Variants in NRG1 observed in about 807,000 individuals in gnomAD.
NRG1 encodes the protein pro-neuregulin-1, membrane-bound isoform.
A neutral mutation model predicts 63.8 loss-of-function variants in NRG1; 18 were observed. The ratio of observed to expected loss-of-function variants is 0.28; its 90% CI spans 0.19 to 0.42. NRG1 has a LOEUF of 0.42. Ranked by LOEUF, NRG1 falls within the 10% of genes least tolerant of loss-of-function variation. The pLI is 1.00. For missense variants in NRG1, 762 were observed against 814.7 expected, an observed-to-expected ratio of 0.94 and a Z score of 0.79; for synonymous variants, 302 against 301.3, an observed-to-expected ratio of 1.00 and a Z score of -0.02.
intron 1 of NRG1, among the ~76,000 whole-genome samples, chr8:32,311,272 T>C (rs555544487): frequency 2.6e-5 from 4 of 152,282 alleles, no homozygotes; most frequent in African/African-American, 9.6e-5. Flanking sequence ...GGCAGGGGGA[T>C]AGATTAAAAG....
intron 1 of NRG1, among the ~76,000 whole-genome samples, chr8:32,434,986 C>T (rs1426505874): frequency 1.3e-5 from 2 of 152,184 alleles, no homozygotes; most frequent in Non-Finnish European, 1.5e-5. Flanking sequence ...GGCAGGGGTC[C>T]TGGAACCAAC....
At chr8:32,105,073 A>G (rs978351760) in intron 1 of NRG1, among the ~76,000 whole-genome samples, 1 of 152,174 alleles carries the variant, frequency 6.6e-6, no homozygotes, top group African/African-American at 2.4e-5. Flanking sequence ...GTGGTAGTGC[A>G]GTAGGTATGT....
chr8:32,410,220 A>C, intron 1 of NRG1, among the ~76,000 whole-genome samples: 1 of 117,564 alleles, frequency 8.5e-6, no homozygotes, highest in Non-Finnish European at 1.6e-5. Flanking sequence ...TCCTTCTGTC[A>C]CCTAGACTGG....
intron 1 of NRG1, among the ~76,000 whole-genome samples, chr8:31,911,165 T>C (rs1334596114): frequency 9.9e-6 from 1 of 101,010 alleles, no homozygotes; most frequent in Non-Finnish European, 1.9e-5. Context: ...AAGAAACTTG[T>C]TGTGTGGGAG....
chr8:32,772,945 C>A (rs1382235635), downstream of NRG1, among the ~76,000 whole-genome samples: 1 of 152,126 alleles, frequency 6.6e-6, no homozygotes, highest in Non-Finnish European at 1.5e-5. Context: ...TTCCATTCTC[C>A]CTTTACTTTT....
chr8:31,941,406 T>TA (rs1386671808), intron 1 of NRG1, among the ~76,000 whole-genome samples: 1 of 152,028 alleles, frequency 6.6e-6, no homozygotes, highest in Admixed American at 6.6e-5. Context: ...CTTAAGGTAA[T>TA]AAAAACCATC....
At chr8:32,379,727 G>C (rs1810102618) in intron 1 of NRG1, among the ~76,000 whole-genome samples, 1 of 152,194 alleles carries the variant, frequency 6.6e-6, no homozygotes, top group Non-Finnish European at 1.5e-5. Context: ...CAGGTTATGA[G>C]AGGTAAAGTG....
rs939130149 is a variant in NRG1, at chr8:32,690,959, G to GTGTGTGTT, written c.503-36983_503-36982insTTGTGTGT. Among the ~76,000 whole-genome samples, 43 of 151,548 alleles carry GTGTGTGTT rather than the reference G, an allele frequency of 2.8e-4. No homozygotes were observed. In the South Asian group the frequency reaches 7.8e-3, roughly 27 times the overall value. ...TCTCAGTGTGTGTGTGTGTGTGTGT[G>GTGTGTGTT]TGTGTGTGTGTGTGTGTGTGTTAGC... is the stretch of plus-strand genomic sequence containing the variant. On this transcript the variant is annotated intron_variant, in intron 5 of 11. Transcript: ENST00000356819.
chr8:32,478,265 G>GA (rs1197800827), intron 1 of NRG1, among the ~76,000 whole-genome samples: 1 of 22,110 alleles, frequency 4.5e-5, no homozygotes, highest in African/African-American at 1.8e-4. Flanking sequence ...TCTTCCATGT[G>GA]GGGGGGCCTT....
intron 5 of NRG1, among the ~76,000 whole-genome samples, chr8:32,635,059 C>T (rs1481504687): frequency 6.6e-6 from 1 of 152,168 alleles, no homozygotes; most frequent in East Asian, 1.9e-4. Context: ...CTGTTTTTCA[C>T]AGTCAGGCTT....
intron 1 of NRG1, among the ~76,000 whole-genome samples, chr8:31,839,355 G>A (rs768129816): frequency 6.6e-6 from 1 of 152,008 alleles, no homozygotes; most frequent in Non-Finnish European, 1.5e-5. Context: ...AATGATAGCT[G>A]GAAATTGAGC....
chr8:31,743,186 T>G (rs1815476574), intron 1 of NRG1, among the ~76,000 whole-genome samples: 1 of 151,942 alleles, frequency 6.6e-6, no homozygotes, highest in Non-Finnish European at 1.5e-5. Context: ...GTTGTCTCCC[T>G]TTCACATCTT....
chr8:32,232,666 T>C (rs190053744), intron 1 of NRG1, among the ~76,000 whole-genome samples: 1 of 152,262 alleles, frequency 6.6e-6, no homozygotes, highest in East Asian at 1.9e-4. Context: ...GTCATGAAAT[T>C]TCCTTAACTG....
At chr8:32,342,892 A>G (rs1218624618) in intron 1 of NRG1, among the ~76,000 whole-genome samples, 1 of 152,220 alleles carries the variant, frequency 6.6e-6, no homozygotes, top group African/African-American at 2.4e-5. Flanking sequence ...ATATTCAGGC[A>G]GGAAGCATGT....
intron 5 of NRG1, among the ~76,000 whole-genome samples, chr8:32,708,497 G>A (rs1399268529): frequency 2.0e-5 from 3 of 152,184 alleles, no homozygotes; most frequent in African/African-American, 7.2e-5. Context: ...AAAATACTGA[G>A]AACCTCCATT....
intron 1 of NRG1, among the ~76,000 whole-genome samples, chr8:32,476,081 G>A (rs1824482778): frequency 6.6e-6 from 1 of 152,112 alleles, no homozygotes; most frequent in African/African-American, 2.4e-5. Context: ...CTGCATGTGT[G>A]GATGTGAAGG....
chr8:31,661,557 G>T (rs1003627013), intron 1 of NRG1, among the ~76,000 whole-genome samples: 2 of 152,156 alleles, frequency 1.3e-5, no homozygotes, highest in Non-Finnish European at 2.9e-5. Flanking sequence ...TCATTCATTT[G>T]AAATGAACCT....
At chr8:32,568,816 T>C (rs1467498607) in intron 1 of NRG1, among the ~76,000 whole-genome samples, 1 of 152,194 alleles carries the variant, frequency 6.6e-6, no homozygotes, top group East Asian at 1.9e-4. Context: ...TGTGATTGTA[T>C]AATTTTAGCA....
chr8:32,141,099 A>G (rs1337079981), intron 1 of NRG1, among the ~76,000 whole-genome samples: 1 of 152,098 alleles, frequency 6.6e-6, no homozygotes, highest in African/African-American at 2.4e-5. Context: ...GGAAATGTGT[A>G]TTTTCCTTCT....
Sources: gnomAD v4.1 joint callset for allele counts (sites outside exome capture counted in the v4.1 genomes callset) on GRCh38, gnomAD v4.1.1 for gene constraint, MANE v1.5 for transcripts, NCBI Gene and HGNC (gene_info 2026-07-23, HGNC 2026-07-21) for gene names.